SLC39A11: variants seen among roughly 807,000 people sequenced by gnomAD.
The protein encoded by SLC39A11 is solute carrier family 39 member 11, also known as zinc transporter ZIP11.
In SLC39A11, 33 loss-of-function variants were observed where a neutral mutation model predicts 36.1. The ratio of observed to expected loss-of-function variants is 0.91; its 90% CI spans 0.69 to 1.22. The LOEUF is 1.22. Ranked by LOEUF, SLC39A11 falls within the 50% of genes most tolerant of loss-of-function variation. SLC39A11 has a pLI of 0.00. For synonymous variants in SLC39A11, 166 were observed against 170.3 expected (o/e 0.97, Z 0.20); for missense variants, 432 against 430.3 (o/e 1.00, Z -0.03).
chr17:73,062,461 C>CAAAAAAAAAAAAAAAAAAAAAAAAAAAAA (rs1555698613), intron 3 of SLC39A11, among the ~76,000 whole-genome samples: 2 of 27,840 alleles, frequency 7.2e-5, no homozygotes, highest in East Asian at 1.6e-3. Context: ...GAGCTTGTCT[C>CAAAAAAAAAAAAAAAAAAAAAAAAAAAAA]AAAAAAAAAA....
chr17:72,664,935 G>C (rs936986493), intron 7 of SLC39A11, among the ~76,000 whole-genome samples: 3 of 152,192 alleles, frequency 2.0e-5, no homozygotes, highest in Admixed American at 6.5e-5. Context: ...CAGAATGCCT[G>C]GTTACTTCTA....
intron 7 of SLC39A11, among the ~76,000 whole-genome samples, chr17:72,656,248 CA>C (rs1423155227): frequency 6.6e-6 from 1 of 152,174 alleles, no homozygotes; most frequent in Non-Finnish European, 1.5e-5. Flanking sequence ...TCCTCCCCAG[CA>C]GTAGCACAAA....
At position 73,003,870 on chromosome 17, in the gene SLC39A11, G is replaced by A. The variant is rs368051140; in HGVS notation, c.306+27686C>T. On this transcript the variant is annotated intron_variant, in intron 4 of 9. Coordinates refer to ENST00000255559, the MANE Select transcript of SLC39A11 (RefSeq NM_139177.4). ...GGAGGCTGAAGCGGGTGGATCACCC[G>A]AGGTCAGGAGTTTGAGACCAGCCTG... Among the ~76,000 whole-genome samples, 34 of 152,186 alleles carry A rather than the reference G, an allele frequency of 2.2e-4. No homozygotes were observed. The East Asian group carries it at 2.7e-3, about 12-fold the overall frequency.
intron 4 of SLC39A11, among the ~76,000 whole-genome samples, chr17:73,007,379 C>T (rs1296437675): frequency 6.6e-6 from 1 of 152,138 alleles, no homozygotes; most frequent in African/African-American, 2.4e-5. Context: ...CAAGATTATG[C>T]CACTGCACTC....
At chr17:72,962,602 C>A (rs371233564) in intron 4 of SLC39A11, among the ~76,000 whole-genome samples, 2 of 151,902 alleles carry the variant, frequency 1.3e-5, no homozygotes, top group Non-Finnish European at 2.9e-5. Flanking sequence ...AGTGGCCCGA[C>A]CTTGGCTCAC....
intron 4 of SLC39A11, among the ~76,000 whole-genome samples, chr17:72,949,950 GACACACACACAC>G (rs67207508): frequency 0.039 from 5,667 of 145,986 alleles, 265 homozygotes; most frequent in African/African-American, 0.11. Context: ...AGGCTGCTGT[GACACACACACAC>G]ACACACACAC....
At chr17:72,808,145 C>A (rs1416280912) in intron 6 of SLC39A11, among the ~76,000 whole-genome samples, 1 of 152,078 alleles carries the variant, frequency 6.6e-6, no homozygotes, top group South Asian at 2.1e-4. Context: ...TATTTAATTG[C>A]AAAGCATTAA....
At chr17:73,033,462 T>A (rs1427622310) in intron 3 of SLC39A11, among the ~76,000 whole-genome samples, 4 of 152,222 alleles carry the variant, frequency 2.6e-5, no homozygotes, top group African/African-American at 9.6e-5. Context: ...GGTGCATGAC[T>A]ATAGTTGCTG....
intron 5 of SLC39A11, among the ~76,000 whole-genome samples, chr17:72,905,279 G>C (rs1354871539): frequency 1.4e-5 from 2 of 143,852 alleles, no homozygotes; most frequent in African/African-American, 5.2e-5. Flanking sequence ...TTCTGTTTCT[G>C]TTTCCTATTT....
intron 5 of SLC39A11, among the ~76,000 whole-genome samples, chr17:72,891,876 A>T (rs1259059768): frequency 6.6e-6 from 1 of 151,906 alleles, no homozygotes; most frequent in East Asian, 1.9e-4. Flanking sequence ...TTTAAAATTT[A>T]AAAAACTCTC....
In SLC39A11 at chr17:72,959,325, G is replaced by GTA. The variant is rs1186282631; in HGVS notation, c.307-11452_307-11451dup. On this transcript the variant is annotated intron_variant, in intron 4 of 9. Coordinates refer to ENST00000255559, the MANE Select transcript of SLC39A11 (RefSeq NM_139177.4). ...CTGGTGTATGTATGTGTGTGTGTGT[G>GTA]TATATATATATATATATATATATAT... is the stretch of plus-strand genomic sequence containing the variant. 7.2e-3 allele frequency among the ~76,000 whole-genome samples: 469 copies of GTA among 65,464 alleles called. 3 individuals carry two copies. The highest frequency in any genetic ancestry group is 0.013 in the Middle Eastern group (1 of 76). The allele number at this position is 65,464 out of a possible 152,430, so 42.9% of individuals were successfully genotyped here.
intron 6 of SLC39A11, among the ~76,000 whole-genome samples, chr17:72,822,362 G>C (rs953190737): frequency 2.0e-5 from 3 of 149,432 alleles, no homozygotes; most frequent in South Asian, 2.1e-4. Context: ...TATAGAGAGA[G>C]AGAGGGAGAG....
In SLC39A11 at chr17:72,860,237, G is replaced by A. The variant is rs971687563; in HGVS notation, c.431-10433C>T. Among the ~76,000 whole-genome samples the A allele has an allele frequency of 2.0e-5, 3 of 151,926 alleles. 1 individual carries two copies. Among genetic ancestry groups the A allele is most frequent in the African/African-American group, 7.3e-5 (3 of 41,376 alleles). ...TGCTTCCTGCTAGTTTGCTAGTCTC[G>A]CCACCATCTTCCCATTCACAGGATC... On this transcript the variant is annotated intron_variant, in intron 5 of 9. Transcript: ENST00000255559.
chr17:72,688,513 G>T (rs1448924274), intron 7 of SLC39A11, among the ~76,000 whole-genome samples: 2 of 152,214 alleles, frequency 1.3e-5, no homozygotes, highest in Admixed American at 6.5e-5. Context: ...TCCTCTGAGC[G>T]ATCCTCTTCA....
intron 4 of SLC39A11, among the ~76,000 whole-genome samples, chr17:72,978,009 T>C (rs1467728362): frequency 6.6e-6 from 1 of 152,162 alleles, no homozygotes; most frequent in Non-Finnish European, 1.5e-5. Context: ...AAAATGTCAG[T>C]CTCCGAGCAA....
chr17:72,665,389 G>GTTGTTTTTT (rs2070688396), intron 7 of SLC39A11, among the ~76,000 whole-genome samples: 1 of 76,636 alleles, frequency 1.3e-5, no homozygotes, highest in Non-Finnish European at 2.4e-5. Flanking sequence ...GTTTTGAGGT[G>GTTGTTTTTT]TTTTTTTTTT....
chr17:72,744,235 G>C (rs2567467), intron 6 of SLC39A11, among the ~76,000 whole-genome samples: 4,575 of 152,252 alleles, frequency 0.03, 239 homozygotes, highest in African/African-American at 0.1. Context: ...TACCTGACAG[G>C]CCTGTTCAGG....
intron 2 of SLC39A11, among the ~76,000 whole-genome samples, chr17:73,088,280 C>T (rs995366117): frequency 1.5e-5 from 2 of 129,340 alleles, no homozygotes; most frequent in East Asian, 4.5e-4. Context: ...GGCAACAGAG[C>T]AAGATTCTGT....
chr17:72,671,308 C>T (rs1165416186), intron 7 of SLC39A11, among the ~76,000 whole-genome samples: 1 of 152,234 alleles, frequency 6.6e-6, no homozygotes, highest in African/African-American at 2.4e-5. Flanking sequence ...ACCCTCTCCT[C>T]TGCAGGTGCA....
Sources: allele counts gnomAD v4.1 joint callset (sites outside exome capture counted in the v4.1 genomes callset), GRCh38; gene constraint gnomAD v4.1.1; transcripts MANE v1.5; gene names NCBI Gene and HGNC (gene_info 2026-07-23, HGNC 2026-07-21).